The following ZFHX3 variants were observed in gnomAD, a reference collection of about 807,000 sequenced individuals.
ZFHX3 encodes the protein zinc finger homeobox protein 3.
A neutral mutation model predicts 279.1 loss-of-function variants in ZFHX3; 42 were observed. The ratio of observed to expected loss-of-function variants is 0.15; its 90% confidence interval spans 0.12 to 0.19. ZFHX3 has a LOEUF of 0.19. ZFHX3 is among the 10% of genes least tolerant of loss of function. ZFHX3 has a pLI of 1.00. For missense variants in ZFHX3, 4,981 were observed against 4,754.0 expected (o/e 1.05, Z -1.40); for synonymous variants, 2,293 against 1,957.8 (o/e 1.17, Z -4.52).
intron 2 of ZFHX3, among the ~76,000 whole-genome samples, chr16:72,954,933 C>T (rs1961176680): frequency 6.6e-6 from 1 of 152,180 alleles, no homozygotes; most frequent in Non-Finnish European, 1.5e-5. Context: ...CCCTGCAGAA[C>T]TCAGTCACAT....
chr16:73,418,288 C>T (rs541110647), intron 3 of ZFHX3, among the ~76,000 whole-genome samples: 41 of 152,358 alleles, frequency 2.7e-4, no homozygotes, highest in African/African-American at 9.9e-4. Context: ...AGCTGGTAGA[C>T]GGTGGTACCA....
intron 4 of ZFHX3, among the ~76,000 whole-genome samples, chr16:72,862,231 C>CT (rs2037907635): frequency 6.6e-6 from 1 of 152,178 alleles, no homozygotes; most frequent in Non-Finnish European, 1.5e-5. Context: ...AAAGGTGGGT[C>CT]TGGTGGTAGA....
rs1051877288 is a variant in ZFHX3, at chr16:72,958,028, G to A, written c.2118C>T (p.Ser706=). The change falls in exon 2 of 10, where the codon AGC becomes AGT. Residue 706 remains serine, a synonymous_variant. Transcript: ENST00000268489. ...EPGGSCVYCK[S]GQPHPRLARG... Reference sequence around the variant, plus strand: ...GTGCCAGCCGGGGGTGGGGCTGCCCGCTTTTGCAGTAGACACAGGAGCCCC... The same window carrying A: ...GTGCCAGCCGGGGGTGGGGCTGCCCACTTTTGCAGTAGACACAGGAGCCCC... The A allele has an allele frequency of 5.6e-6, 9 of 1,613,434 alleles. No individual in the cohort carries two copies. The highest frequency in any genetic ancestry group is 3.3e-4 in the Middle Eastern group (2 of 6,062).
chr16:73,709,995 A>T (rs910396376), intron 1 of ZFHX3, among the ~76,000 whole-genome samples: 1 of 150,728 alleles, frequency 6.6e-6, no homozygotes, highest in Non-Finnish European at 1.5e-5. Context: ...CAGTCTGGCC[A>T]ACATGGTGAA....
chr16:73,477,640 C>T (rs2018787269), intron 2 of ZFHX3, among the ~76,000 whole-genome samples: 1 of 152,206 alleles, frequency 6.6e-6, no homozygotes, highest in Admixed American at 6.5e-5. Context: ...GGCTGCACAC[C>T]ACGGGCCCCA....
intron 2 of ZFHX3, among the ~76,000 whole-genome samples, chr16:73,526,377 G>A (rs1033295869): frequency 6.6e-6 from 1 of 152,218 alleles, no homozygotes; most frequent in Non-Finnish European, 1.5e-5. Context: ...ACAGAGAAAG[G>A]AGGGGCCAAG....
intron 8 of ZFHX3, among the ~76,000 whole-genome samples, chr16:73,080,015 G>A (rs1743070165): frequency 6.6e-6 from 1 of 152,138 alleles, no homozygotes; most frequent in Admixed American, 6.6e-5. Flanking sequence ...ATCTTTCTGA[G>A]CTAGGAACTG....
At chr16:73,890,973 C>G (rs1459747172) in intron 1 of ZFHX3, among the ~76,000 whole-genome samples, 1 of 151,898 alleles carries the variant, frequency 6.6e-6, no homozygotes, top group African/African-American at 2.4e-5. Context: ...CCCTCTCCCT[C>G]TCTCACTCCG....
intron 6 of ZFHX3, among the ~76,000 whole-genome samples, chr16:73,136,182 G>A (rs943278967): frequency 2.0e-5 from 3 of 152,114 alleles, no homozygotes; most frequent in Non-Finnish European, 2.9e-5. Flanking sequence ...ACTTGAGTTT[G>A]CCACCTTGAG....
rs754576069 is a variant in ZFHX3, at chr16:72,958,139, C to T, written c.2007G>A (p.Lys669=). The T allele has an allele frequency of 1.2e-6, 2 of 1,614,192 alleles. No homozygotes were observed. Among genetic ancestry groups the T allele is most frequent in the Non-Finnish European group, 1.7e-6 (2 of 1,180,018 alleles). The change falls in exon 2 of 10, where the codon AAG becomes AAA. Residue 669 remains lysine (K), a synonymous_variant. Coordinates refer to ENST00000268489, the MANE Select transcript of ZFHX3 (RefSeq NM_006885.4). ...MTMMHSRNSC[K]TLKCPKCNWH... is the part of the protein sequence containing the mutation. ...AGTTGCACTTGGGGCACTTGAGTGTCTTACACGAGTTACGAGAATGCATCA... is the reference window on the plus strand; with the variant it reads ...AGTTGCACTTGGGGCACTTGAGTGTTTTACACGAGTTACGAGAATGCATCA...
chr16:73,848,005 C>T (rs376564169), intron 1 of ZFHX3, among the ~76,000 whole-genome samples: 3 of 150,668 alleles, frequency 2.0e-5, no homozygotes, highest in Non-Finnish European at 4.4e-5. Context: ...ATGATCCACC[C>T]ACCTCGGCTT....
intron 1 of ZFHX3, among the ~76,000 whole-genome samples, chr16:73,786,604 CA>C (rs978195157): frequency 2.6e-5 from 4 of 152,128 alleles, no homozygotes; most frequent in South Asian, 2.1e-4. Context: ...AACCAAGTGG[CA>C]GGGGGGGCCA....
At chr16:72,861,908 G>A (rs2037900405) in intron 4 of ZFHX3, among the ~76,000 whole-genome samples, 1 of 152,068 alleles carries the variant, frequency 6.6e-6, no homozygotes, top group Non-Finnish European at 1.5e-5. Flanking sequence ...CCAACTACTA[G>A]GGAGGCTGAG....
chr16:72,916,715 T>C (rs1477432583), intron 3 of ZFHX3, among the ~76,000 whole-genome samples: 1 of 152,128 alleles, frequency 6.6e-6, no homozygotes, highest in Non-Finnish European at 1.5e-5. Context: ...ATGTATGATA[T>C]AGTGGCATTT....
intron 8 of ZFHX3, among the ~76,000 whole-genome samples, chr16:73,089,999 C>T (rs1966053060): frequency 6.6e-6 from 1 of 152,208 alleles, no homozygotes; most frequent in South Asian, 2.1e-4. Context: ...TGTGTCCTCT[C>T]CTGACAATGC....
At chr16:72,800,248 A>C in intron 7 of ZFHX3, 119 bp from the exon 8 acceptor site, 3 of 747,558 alleles carry the variant, frequency 4.0e-6, no homozygotes, top group Non-Finnish European at 4.5e-6. Flanking sequence ...GAGGTGTCTC[A>C]CTTTTCATAG....
chr16:72,911,526 A>G (rs2039316196), intron 3 of ZFHX3, among the ~76,000 whole-genome samples: 1 of 152,206 alleles, frequency 6.6e-6, no homozygotes, highest in African/African-American at 2.4e-5. Context: ...TCGGTCAGAG[A>G]AACAACGTGT....
intron 1 of ZFHX3, among the ~76,000 whole-genome samples, chr16:73,056,044 T>C (rs1310751035): frequency 6.6e-6 from 1 of 152,106 alleles, no homozygotes; most frequent in Non-Finnish European, 1.5e-5. Flanking sequence ...AATTAAAAAC[T>C]AAAACCCGAG....
At chr16:73,651,606 G>A (rs2052671196) in intron 2 of ZFHX3, among the ~76,000 whole-genome samples, 1 of 150,158 alleles carries the variant, frequency 6.7e-6, no homozygotes, top group Non-Finnish European at 1.5e-5. Context: ...GGAGGCCGAG[G>A]TGGGCAGATC....
Sources: allele counts gnomAD v4.1 joint callset (sites outside exome capture counted in the v4.1 genomes callset), GRCh38; gene constraint gnomAD v4.1.1; transcripts MANE v1.5; gene names NCBI Gene and HGNC (gene_info 2026-07-23, HGNC 2026-07-21).